Variants in CWF19L2 observed in about 807,000 individuals in gnomAD.
CWF19L2 encodes the protein CWF19 like cell cycle control factor 2.
Under a neutral mutation model 111.7 loss-of-function variants are expected in CWF19L2, and 98 were observed. The ratio of observed to expected loss-of-function variants is 0.88; its 90% CI spans 0.75 to 1.04. The LOEUF (loss-of-function observed/expected upper bound fraction) is 1.04. Ranked by LOEUF, CWF19L2 falls within the 50% of genes least tolerant of loss-of-function variation. The pLI is 0.00. For missense variants in CWF19L2, 1,101 were observed against 1,051.4 expected, an observed-to-expected ratio of 1.05 and a Z score of -0.65; for synonymous variants, 351 against 342.9, an observed-to-expected ratio of 1.02 and a Z score of -0.26.
chr11:107,326,999 G>A lies in CWF19L2; in HGVS notation c.2596C>T (p.Arg866Ter), dbSNP rs757812078. ...IEPRLWRKGI[R>*]ESFEDQRKKA... ...TTCCTCTGATCCTCAAAGCTTTCTCGGATGCCTTTCCTCCAAAGTCTTGGT... is the reference window on the plus strand; with the variant it reads ...TTCCTCTGATCCTCAAAGCTTTCTCAGATGCCTTTCCTCCAAAGTCTTGGT... Residue 866 changes from arginine to a stop codon, truncating the protein, a stop_gained, in exon 18 of 18, where the codon CGA becomes TGA. Transcript: ENST00000282251. LOFTEE classifies it high-confidence loss of function. The A allele has an allele frequency of 3.7e-5, 59 of 1,611,644 alleles. No individual in the cohort carries two copies. In the South Asian group the frequency reaches 4.3e-4, roughly 12 times the overall value.
intron 3 of CWF19L2, 88 bp from the exon 4 acceptor site, chr11:107,443,137 A>T: frequency 1.1e-6 from 1 of 884,132 alleles, no homozygotes; most frequent in Non-Finnish European, 1.8e-6. Context: ...GAAATTCAAC[A>T]TCGTAGAAAA....
At chr11:107,351,391 G>A (rs961772305) in intron 13 of CWF19L2, among the ~76,000 whole-genome samples, 4 of 152,112 alleles carry the variant, frequency 2.6e-5, no homozygotes, top group Non-Finnish European at 4.4e-5. Flanking sequence ...GTTAGTGTTA[G>A]CTAAAGGTAA....
intron 14 of CWF19L2, among the ~76,000 whole-genome samples, chr11:107,343,626 T>C (rs1860036873): frequency 6.6e-6 from 1 of 152,140 alleles, no homozygotes; most frequent in South Asian, 2.1e-4. Flanking sequence ...CTGTTTGTTC[T>C]TTCTATTGTT....
At chr11:107,361,008 G>C (rs1050949456) in intron 12 of CWF19L2, among the ~76,000 whole-genome samples, 1 of 152,150 alleles carries the variant, frequency 6.6e-6, no homozygotes, top group South Asian at 2.1e-4. Context: ...TGAGGTCTTA[G>C]TAATGAATTC....
At chr11:107,448,215 A>G (rs1345628495) in intron 3 of CWF19L2, among the ~76,000 whole-genome samples, 2 of 151,760 alleles carry the variant, frequency 1.3e-5, no homozygotes, top group African/African-American at 4.8e-5. Flanking sequence ...CGTGGTGATG[A>G]GCACCTGTAA....
rs1861769236 is a variant in CWF19L2 at position 107,450,903 on chromosome 11, CAATT to C, written c.339+3543_339+3546del. ...GCAGAAATAGGTAAAATCCACAAAACAATTAAGAGATTTCAATACTATTTTCTCA... is the reference window on the plus strand; with the variant it reads ...GCAGAAATAGGTAAAATCCACAAAACAAGAGATTTCAATACTATTTTCTCA... On this transcript the variant is annotated intron_variant, in intron 3 of 17. Transcript: ENST00000282251. Among the ~76,000 whole-genome samples, 7 of 152,098 alleles carry C rather than the reference CAATT, an allele frequency of 4.6e-5. No homozygotes were observed. The South Asian group carries it at 1.5e-3, about 32-fold the overall frequency.
chr11:107,368,079 G>A (rs911456150), intron 12 of CWF19L2, among the ~76,000 whole-genome samples: 5 of 130,782 alleles, frequency 3.8e-5, no homozygotes, highest in Non-Finnish European at 8.0e-5. Context: ...CCTGAAATTA[G>A]CAGAAGAAAA....
At chr11:107,401,896 G>A (rs1309185166) in intron 10 of CWF19L2, among the ~76,000 whole-genome samples, 1 of 152,162 alleles carries the variant, frequency 6.6e-6, no homozygotes, top group Non-Finnish European at 1.5e-5. Context: ...ATGGACCAAT[G>A]TAACAGAATA....
intron 5 of CWF19L2, among the ~76,000 whole-genome samples, chr11:107,439,636 T>C (rs939387512): frequency 6.6e-6 from 1 of 151,976 alleles, no homozygotes; most frequent in African/African-American, 2.4e-5. Flanking sequence ...TTTTGTAGGG[T>C]AGGGAGTATA....
intron 12 of CWF19L2, among the ~76,000 whole-genome samples, chr11:107,373,226 G>C (rs1054154995): frequency 7.7e-6 from 1 of 129,888 alleles, no homozygotes; most frequent in Non-Finnish European, 1.6e-5. Context: ...GCTTGCTCAG[G>C]TAAACAAAGC....
At chr11:107,416,503 T>C (rs1238710712) in intron 9 of CWF19L2, among the ~76,000 whole-genome samples, 1 of 152,168 alleles carries the variant, frequency 6.6e-6, no homozygotes. Flanking sequence ...ACCTGTGACA[T>C]GCTTCAAAGA....
At chr11:107,423,501 C>A (rs1012657044) in intron 8 of CWF19L2, among the ~76,000 whole-genome samples, 1 of 151,836 alleles carries the variant, frequency 6.6e-6, no homozygotes, top group Non-Finnish European at 1.5e-5. Context: ...AAGTGAGAAA[C>A]TTCTTGGCTT....
chr11:107,338,501 A>G (rs553427362), intron 14 of CWF19L2, among the ~76,000 whole-genome samples: 4 of 152,106 alleles, frequency 2.6e-5, no homozygotes, highest in African/African-American at 9.6e-5. Flanking sequence ...TGCACAGATC[A>G]TCCCGTTACC....
chr11:107,347,012 C>G (rs11212174), intron 14 of CWF19L2, among the ~76,000 whole-genome samples: 21,839 of 152,194 alleles, frequency 0.14, 2,021 homozygotes, highest in Middle Eastern at 0.26. Flanking sequence ...CCTTTTTCCC[C>G]ACCTACCAAC....
At chr11:107,389,323 A>G (rs983526314) in intron 12 of CWF19L2, among the ~76,000 whole-genome samples, 1 of 152,212 alleles carries the variant, frequency 6.6e-6, no homozygotes. Context: ...CAACTACTCA[A>G]TTCAGCCATT....
chr11:107,388,507 C>T (rs558714722), intron 12 of CWF19L2, among the ~76,000 whole-genome samples: 1 of 152,174 alleles, frequency 6.6e-6, no homozygotes, highest in East Asian at 1.9e-4. Flanking sequence ...CTCAACCTCC[C>T]GAGTAGATGG....
At chr11:107,336,426 G>A (rs1057458643) in intron 15 of CWF19L2, 132 bp downstream of exon 15, 3 of 754,344 alleles carry the variant, frequency 4.0e-6, no homozygotes, top group African/African-American at 3.8e-5. Context: ...ACTGTGCCCG[G>A]CCTATTTCAT....
At chr11:107,422,545 T>C (rs895831382) in intron 8 of CWF19L2, among the ~76,000 whole-genome samples, 9 of 152,042 alleles carry the variant, frequency 5.9e-5, no homozygotes, top group African/African-American at 2.2e-4. Context: ...TGTACACTTT[T>C]GTATATTTGC....
At position 107,349,192 on chromosome 11, in the gene CWF19L2, TAAG is replaced by T. The variant is rs1279855451; in HGVS notation, c.2086-142_2086-140del. On this transcript the variant is annotated intron_variant, in intron 13 of 17. Transcript: ENST00000282251. Reference sequence around the variant, plus strand: ...TGATGAATATTTAATGAAGAATACTTAAGAATTGCTTTTGCAAATGTTAATATT... The same window carrying T: ...TGATGAATATTTAATGAAGAATACTTAATTGCTTTTGCAAATGTTAATATT... 7 of 393,988 alleles carry T rather than the reference TAAG, an allele frequency of 1.8e-5. No homozygotes were observed. The East Asian group carries it at 2.7e-4, about 15-fold the overall frequency. The allele number at this position is 393,988 out of a possible 1,614,324, so 24.4% of individuals were successfully genotyped here. A position where few individuals can be genotyped will look rare whatever the true frequency, so the allele number is the denominator to read the frequency against.
Sources: allele counts gnomAD v4.1 joint callset (sites outside exome capture counted in the v4.1 genomes callset), GRCh38; gene constraint gnomAD v4.1.1; transcripts MANE v1.5; gene names NCBI Gene and HGNC (gene_info 2026-07-23, HGNC 2026-07-21).